The following ARHGAP42 variants were observed in gnomAD, a reference collection of about 807,000 sequenced individuals.
ARHGAP42 encodes the protein Rho GTPase activating protein 42, also known as rho GTPase-activating protein 42.
A neutral mutation model predicts 125.0 loss-of-function variants in ARHGAP42; 63 were observed. That is an observed-to-expected ratio of 0.50 (90% confidence interval 0.41 to 0.62). The LOEUF is 0.62. ARHGAP42 is among the 20% of genes least tolerant of loss of function. The pLI is 0.00. For synonymous variants in ARHGAP42, 339 were observed against 351.0 expected (o/e 0.97, Z 0.38); for missense variants, 766 against 1,024.2 (o/e 0.75, Z 3.44).
At chr11:100,897,629 T>C (rs1188632298) in intron 4 of ARHGAP42, among the ~76,000 whole-genome samples, 6 of 152,202 alleles carry the variant, frequency 3.9e-5, no homozygotes, top group Non-Finnish European at 8.8e-5. Context: ...ACTCATGATT[T>C]GGCTCTCTGT....
intron 4 of ARHGAP42, among the ~76,000 whole-genome samples, chr11:100,883,432 T>A (rs936365941): frequency 3.9e-5 from 6 of 152,164 alleles, no homozygotes; most frequent in African/African-American, 9.7e-5. Context: ...ATTCTCTGCC[T>A]CCTGAGTTCA....
chr11:100,717,313 C>T (rs1294549833), intron 1 of ARHGAP42, among the ~76,000 whole-genome samples: 1 of 152,040 alleles, frequency 6.6e-6, no homozygotes. Flanking sequence ...GTAAGTTGAA[C>T]TACTATTAGA....
At chr11:100,760,658 G>A (rs1195346826) in intron 1 of ARHGAP42, among the ~76,000 whole-genome samples, 4 of 151,944 alleles carry the variant, frequency 2.6e-5, no homozygotes, top group South Asian at 2.1e-4. Context: ...CCGAGATTGC[G>A]CCACTGCACC....
intron 4 of ARHGAP42, among the ~76,000 whole-genome samples, chr11:100,866,118 C>G (rs1392973720): frequency 2.0e-5 from 3 of 152,184 alleles, no homozygotes; most frequent in Non-Finnish European, 4.4e-5. Context: ...CAACAGTATT[C>G]ACAAGGAATA....
intron 17 of ARHGAP42, among the ~76,000 whole-genome samples, chr11:100,969,623 A>C (rs1285503504): frequency 1.3e-5 from 2 of 151,780 alleles, no homozygotes; most frequent in Non-Finnish European, 2.9e-5. Flanking sequence ...TTTCAACTTC[A>C]ATTTACATTT....
intron 4 of ARHGAP42, among the ~76,000 whole-genome samples, chr11:100,875,429 C>T (rs1388590043): frequency 2.0e-5 from 3 of 152,028 alleles, no homozygotes; most frequent in Non-Finnish European, 4.4e-5. Flanking sequence ...TTTCTGGCTT[C>T]GGAGCCATCC....
intron 2 of ARHGAP42, among the ~76,000 whole-genome samples, chr11:100,772,109 C>T (rs983353857): frequency 2.0e-5 from 3 of 152,014 alleles, no homozygotes; most frequent in Admixed American, 6.6e-5. Flanking sequence ...TATTTCTAGA[C>T]GGTATGTTTT....
intron 3 of ARHGAP42, among the ~76,000 whole-genome samples, chr11:100,818,456 C>T (rs1316026992): frequency 7.9e-5 from 12 of 152,126 alleles, no homozygotes. Context: ...GGAGTTACTT[C>T]TAGCTGGAGG....
intron 1 of ARHGAP42, among the ~76,000 whole-genome samples, chr11:100,732,568 A>G (rs921443822): frequency 2.0e-5 from 3 of 152,176 alleles, no homozygotes; most frequent in African/African-American, 7.2e-5. Flanking sequence ...CTTCAAGCAT[A>G]TCAACTGACT....
chr11:100,856,436 G>T (rs1865324322), intron 3 of ARHGAP42, among the ~76,000 whole-genome samples: 1 of 151,992 alleles, frequency 6.6e-6, no homozygotes, highest in Non-Finnish European at 1.5e-5. Context: ...ATTCCCAGGG[G>T]GAATGTATAA....
At chr11:100,921,429 G>C in intron 5 of ARHGAP42, 65 bp from the exon 6 acceptor site, 1 of 1,179,464 alleles carries the variant, frequency 8.5e-7, no homozygotes, top group Non-Finnish European at 1.2e-6. Flanking sequence ...AAAGATACCA[G>C]AGCAGGAATT....
intron 1 of ARHGAP42, among the ~76,000 whole-genome samples, chr11:100,764,748 A>G (rs1862791063): frequency 6.6e-6 from 1 of 152,182 alleles, no homozygotes; most frequent in Admixed American, 6.5e-5. Flanking sequence ...GCAGAAATTG[A>G]TGGTTTCAAC....
intron 1 of ARHGAP42, among the ~76,000 whole-genome samples, chr11:100,723,710 A>G (rs1438626210): frequency 6.6e-6 from 1 of 152,134 alleles, no homozygotes; most frequent in African/African-American, 2.4e-5. Context: ...TCATCTGTAA[A>G]CAAAAACTTT....
intron 6 of ARHGAP42, among the ~76,000 whole-genome samples, chr11:100,932,307 T>C (rs887797375): frequency 6.6e-6 from 1 of 152,164 alleles, no homozygotes; most frequent in Admixed American, 6.5e-5. Context: ...ATGAGTGACT[T>C]TTCAAAAATG....
At chr11:100,842,238 C>T (rs1565237536) in intron 3 of ARHGAP42, among the ~76,000 whole-genome samples, 1 of 152,150 alleles carries the variant, frequency 6.6e-6, no homozygotes, top group Non-Finnish European at 1.5e-5. Context: ...CTACATTCAC[C>T]ATCGTCTACA....
intron 17 of ARHGAP42, among the ~76,000 whole-genome samples, chr11:100,967,907 A>G (rs1858139809): frequency 6.6e-6 from 1 of 152,084 alleles, no homozygotes; most frequent in Non-Finnish European, 1.5e-5. Context: ...CATTTTTAGT[A>G]GAGACGGGGT....
At chr11:100,899,735 T>G (rs904286121) in intron 4 of ARHGAP42, among the ~76,000 whole-genome samples, 1 of 33,868 alleles carries the variant, frequency 3.0e-5, no homozygotes, top group Non-Finnish European at 6.0e-5. Context: ...TTTTTTTTTG[T>G]TTTTTTTTGC....
At chr11:100,751,740 C>G (rs1470077077) in intron 1 of ARHGAP42, among the ~76,000 whole-genome samples, 1 of 147,472 alleles carries the variant, frequency 6.8e-6, no homozygotes, top group African/African-American at 2.5e-5. Flanking sequence ...CACTCCTATC[C>G]CAGTGTTCTG....
chr11:100,976,493 G>C, intron 20 of ARHGAP42, 56 bp downstream of exon 20: 1 of 1,464,976 alleles, frequency 6.8e-7, no homozygotes. Flanking sequence ...ACTTGTGCTG[G>C]ATTATTCAGC....
Sources: gnomAD v4.1 joint callset for allele counts (sites outside exome capture counted in the v4.1 genomes callset) on GRCh38, gnomAD v4.1.1 for gene constraint, MANE v1.5 for transcripts, NCBI Gene and HGNC (gene_info 2026-07-23, HGNC 2026-07-21) for gene names.